Variants in MAP4 observed in about 807,000 individuals in gnomAD.
MAP4 encodes microtubule-associated protein 4.
MAP4 carries 76 observed loss-of-function variants against 170.2 expected under a neutral mutation model. The observed-to-expected ratio is 0.45, with a 90% CI of 0.37 to 0.54. The LOEUF is 0.54. Ranked by LOEUF, MAP4 falls within the 20% of genes least tolerant of loss-of-function variation. MAP4 has a pLI of 0.00. For missense variants in MAP4, 2,506 were observed against 2,748.0 expected (o/e 0.91, Z 1.97); for synonymous variants, 909 against 994.5 (o/e 0.91, Z 1.62).
At chr3:48,047,722 T>C (rs1378874660) in intron 1 of MAP4, among the ~76,000 whole-genome samples, 4 of 152,172 alleles carry the variant, frequency 2.6e-5, no homozygotes, top group African/African-American at 9.7e-5. Flanking sequence ...AACACATGGG[T>C]GTTTTGGTGT....
At chr3:48,074,756 T>C (rs1292768865) in intron 1 of MAP4, among the ~76,000 whole-genome samples, 4 of 144,146 alleles carry the variant, frequency 2.8e-5, no homozygotes, top group Non-Finnish European at 6.0e-5. Flanking sequence ...CTCGAACTCC[T>C]GGGCTCAAGC....
intron 1 of MAP4, among the ~76,000 whole-genome samples, chr3:48,063,865 G>A (rs1216267274): frequency 1.3e-5 from 2 of 152,160 alleles, no homozygotes; most frequent in Admixed American, 6.5e-5. Flanking sequence ...ATAAATAGGT[G>A]GAGTACAGGG....
rs558289626 is a variant in MAP4, at chr3:48,085,382, A to G, written c.-20+3391T>C. ...CTGACTAAAGCTAAGCCGCCTATAT[A>G]TAAGAAAATCCAGGTGCTTCCTTCA... On this transcript the variant is annotated intron_variant, in intron 1 of 18. Coordinates refer to the MAP4 transcript ENST00000360240. 7.2e-5 allele frequency among the ~76,000 whole-genome samples: 11 copies of G among 152,332 alleles called. No individual in the cohort carries two copies. In the East Asian group the frequency reaches 2.1e-3, roughly 29 times the overall value.
intron 12 of MAP4, 76 bp from the exon 13 acceptor site, chr3:47,872,176 TTTTTGTTTG>T: frequency 7.6e-7 from 1 of 1,316,196 alleles, no homozygotes; most frequent in East Asian, 2.3e-5. Flanking sequence ...GATGCTTCTT[TTTTTGTTTG>T]TTTTGTTTTG....
intron 10 of MAP4, chr3:47,891,756 G>T (rs1187839888): frequency 6.5e-7 from 1 of 1,536,650 alleles, no homozygotes; most frequent in Admixed American, 2.0e-5. Flanking sequence ...GTGGGTGAAT[G>T]CTCAATAATG....
rs997515647 is a variant in MAP4, at chr3:47,910,544, C to T, written c.3877G>A (p.Val1293Ile). 17 of 1,535,940 alleles carry T rather than the reference C, an allele frequency of 1.1e-5. No homozygotes were observed. The African/African-American group carries it at 1.8e-4, about 16-fold the overall frequency. ...AGAGTCCCAAGCTCAACAAAATTAA[C>T]CTGAAAATTTCCACCCTTCCTGTCA... ...AVDRKGGNFQ[V>I]NFVELGTLGE... is the part of the protein sequence containing the mutation. Residue 1293 changes from valine to isoleucine, a missense_variant, in exon 9 of 21, where the codon GTT becomes ATT. Transcript: ENST00000683076.
chr3:47,915,043 C>T, intron 7 of MAP4, 104 bp from the exon 8 acceptor site: 3 of 1,379,476 alleles, frequency 2.2e-6, no homozygotes, highest in Non-Finnish European at 3.0e-6. Flanking sequence ...AGGAGTTCTC[C>T]TACAAGGGGC....
chr3:48,014,511 T>C (rs2100106827), intron 1 of MAP4, among the ~76,000 whole-genome samples: 1 of 152,054 alleles, frequency 6.6e-6, no homozygotes, highest in Non-Finnish European at 1.5e-5. Flanking sequence ...ATGTAAAAAT[T>C]AGCCAGGCAT....
At position 47,998,771 on chromosome 3, in the gene MAP4, C is replaced by T; in HGVS notation, c.90G>A (p.Glu30=). 6.2e-7 allele frequency: 1 copy of T among 1,614,138 alleles called. No individual in the cohort carries two copies. The highest frequency in any genetic ancestry group is 8.5e-7 in the Non-Finnish European group (1 of 1,179,994). The change falls in exon 2 of 21, where the codon GAG becomes GAA. Residue 30 remains glutamate (E), a synonymous_variant. Coordinates refer to ENST00000683076, the MANE Select transcript of MAP4 (RefSeq NM_001385682.1). ...EIKRDFIATL[E]AEAFDDVVGE... is the part of the protein sequence containing the mutation. ...CCACAACATCATCAAAGGCCTCTGC[C>T]TCTAGTGTGGCAATGAAGTCCCGCT... is the stretch of plus-strand genomic sequence containing the variant.
chr3:48,038,376 A>T (rs1393555493), intron 1 of MAP4, among the ~76,000 whole-genome samples: 2 of 151,812 alleles, frequency 1.3e-5, no homozygotes, highest in African/African-American at 4.8e-5. Flanking sequence ...TTATATTATG[A>T]TCCATATTCA....
intron 3 of MAP4, among the ~76,000 whole-genome samples, chr3:47,944,080 G>C (rs576233818): frequency 1.2e-4 from 18 of 152,180 alleles, no homozygotes; most frequent in Admixed American, 9.2e-4. Context: ...GGGAGGCTGA[G>C]GCAGGTGGAT....
chr3:47,927,580 A>G (rs1378728182), intron 4 of MAP4, among the ~76,000 whole-genome samples: 1 of 152,118 alleles, frequency 6.6e-6, no homozygotes, highest in East Asian at 1.9e-4. Flanking sequence ...GGTTCAAGCA[A>G]TTCTCCTGCC....
At chr3:47,914,717 G>A in intron 8 of MAP4, 100 bp downstream of exon 8, 1 of 1,383,402 alleles carries the variant, frequency 7.2e-7, no homozygotes, top group Admixed American at 1.8e-5. Context: ...CTATACTGCT[G>A]ATTACCACCA....
Position 47,921,839 on chromosome 3 carries a change from A to G in MAP4, c.455T>C (p.Leu152Ser), listed in dbSNP as rs1349887056. ...AGCTGTCGCACTGGAGGGAAAGACCAAATCTGCCAGGTCATCATCATGGTA... is the reference window on the plus strand; with the variant it reads ...AGCTGTCGCACTGGAGGGAAAGACCGAATCTGCCAGGTCATCATCATGGTA... ...KMYHDDDLAD[L>S]VFPSSATADT... Residue 152 changes from leucine (L) to serine (S), a missense_variant, in exon 5 of 21, where the codon TTG (leucine) becomes TCG (serine). Transcript: ENST00000683076. 1 of 1,607,764 alleles carries G rather than the reference A, an allele frequency of 6.2e-7. No individual in the cohort carries two copies. Among genetic ancestry groups the G allele is most frequent in the Admixed American group, 1.7e-5 (1 of 60,000 alleles).
At chr3:48,083,276 T>C (rs566171895) in intron 1 of MAP4, among the ~76,000 whole-genome samples, 1 of 152,370 alleles carries the variant, frequency 6.6e-6, no homozygotes, top group African/African-American at 2.4e-5. Flanking sequence ...ATAGAAAGTC[T>C]GTACTACCTT....
Position 48,035,190 on chromosome 3 carries a change from GA to G in MAP4, c.-19-36312del, listed in dbSNP as rs71625848. On this transcript the variant is annotated intron_variant, in intron 1 of 18. Coordinates refer to the MAP4 transcript ENST00000360240. The stretch of plus-strand genomic sequence containing the variant: ...AACCTACCTTGGGTCTGATTTGTAT[GA>G]AAAAAAAAAAAAAAAAAGGATTTCT... Among the ~76,000 whole-genome samples the G allele has an allele frequency of 8.4e-3, 704 of 83,998 alleles. 4 individuals carry two copies. The highest frequency in any genetic ancestry group is 0.029 in the African/African-American group (530 of 18,110). 55.1% of individuals were successfully genotyped at this position (83,998 alleles called of 152,430 possible).
chr3:48,075,778 A>G (rs952162613), intron 1 of MAP4, among the ~76,000 whole-genome samples: 13 of 151,804 alleles, frequency 8.6e-5, no homozygotes, highest in Non-Finnish European at 1.5e-4. Context: ...GTTCGAGACC[A>G]GCCTGGCCAA....
chr3:48,065,977 G>A (rs1401504288), intron 1 of MAP4, among the ~76,000 whole-genome samples: 1 of 151,852 alleles, frequency 6.6e-6, no homozygotes, highest in East Asian at 1.9e-4. Flanking sequence ...AAAAAGAAAC[G>A]ATAAATTCAA....
At chr3:47,966,127 C>A (rs191001297) in intron 3 of MAP4, among the ~76,000 whole-genome samples, 1 of 148,334 alleles carries the variant, frequency 6.7e-6, no homozygotes, top group East Asian at 2.1e-4. Context: ...GTGAATGCAG[C>A]GGTGTACTTT....
Sources: allele counts gnomAD v4.1 joint callset (sites outside exome capture counted in the v4.1 genomes callset), GRCh38; gene constraint gnomAD v4.1.1; transcripts MANE v1.5; gene names NCBI Gene and HGNC (gene_info 2026-07-23, HGNC 2026-07-21).